Variants in ECD observed in about 807,000 individuals in gnomAD.
The protein encoded by ECD is ecdysoneless cell cycle regulator, also known as protein ecdysoneless homolog.
In ECD, 59 loss-of-function variants were observed where a neutral mutation model predicts 77.2. That is an observed-to-expected ratio of 0.76 (90% CI 0.62 to 0.95). The LOEUF (loss-of-function observed/expected upper bound fraction) is 0.95. Ranked by LOEUF, ECD falls within the 40% of genes least tolerant of loss-of-function variation. The pLI is 0.00. For missense variants in ECD, 704 were observed against 763.4 expected, an observed-to-expected ratio of 0.92 and a Z score of 0.92; for synonymous variants, 233 against 267.4, an observed-to-expected ratio of 0.87 and a Z score of 1.26.
chr10:73,150,455 T>C (rs1214542730), intron 7 of ECD, among the ~76,000 whole-genome samples: 1 of 152,184 alleles, frequency 6.6e-6, no homozygotes, highest in African/African-American at 2.4e-5. Flanking sequence ...ATTCAGGACA[T>C]AGGCATGGGC....
chr10:73,143,297 C>G (rs1471121272), intron 9 of ECD, among the ~76,000 whole-genome samples: 1 of 152,062 alleles, frequency 6.6e-6, no homozygotes, highest in East Asian at 1.9e-4. Context: ...GCCTCCCGAG[C>G]AGCTGGGATT....
At chr10:73,145,657 C>CTTTT (rs748175828) in intron 9 of ECD, among the ~76,000 whole-genome samples, 32 of 124,124 alleles carry the variant, frequency 2.6e-4, no homozygotes, top group African/African-American at 4.7e-4. Context: ...TATTGTGCAG[C>CTTTT]TTTTTTTTTT....
At chr10:73,146,217 A>G in intron 9 of ECD, 59 bp downstream of exon 9, 1 of 818,118 alleles carries the variant, frequency 1.2e-6, no homozygotes, top group Non-Finnish European at 1.7e-6. Context: ...AATAAATAAA[A>G]AATAAAAAGA....
chr10:73,144,699 T>C (rs1843101370), intron 9 of ECD, among the ~76,000 whole-genome samples: 1 of 152,288 alleles, frequency 6.6e-6, no homozygotes. Flanking sequence ...CTCTATGGAC[T>C]TGCCCAAAAT....
In ECD at chr10:73,163,955, G is replaced by A. The variant is rs776848518; in HGVS notation, c.-13-5C>T. 2 of 1,612,286 alleles carry A rather than the reference G, an allele frequency of 1.2e-6. No individual in the cohort carries two copies. The highest frequency in any genetic ancestry group is 1.7e-6 in the Non-Finnish European group (2 of 1,179,012). ...TCTTCCATTCTTCTTTGAAAACTAT[G>A]TTTAAAGTTCCAAAATATAAACCAC... On this transcript the variant is annotated splice_region_variant and splice_polypyrimidine_tract_variant and intron_variant, in intron 1 of 13. Coordinates refer to ENST00000372979, the MANE Select transcript of ECD (RefSeq NM_007265.3).
At chr10:73,145,974 A>G (rs1201473753) in intron 9 of ECD, among the ~76,000 whole-genome samples, 6 of 151,836 alleles carry the variant, frequency 4.0e-5, no homozygotes, top group Non-Finnish European at 8.8e-5. Flanking sequence ...TTATGTTTAT[A>G]AAGACTTCAT....
intron 12 of ECD, among the ~76,000 whole-genome samples, chr10:73,137,659 C>G (rs1025812951): frequency 6.6e-6 from 1 of 151,828 alleles, no homozygotes; most frequent in Admixed American, 6.6e-5. Context: ...GCCTGTAGTC[C>G]CAGTTACTCA....
chr10:73,155,293 C>G (rs1184428027), intron 5 of ECD, among the ~76,000 whole-genome samples: 2 of 152,006 alleles, frequency 1.3e-5, no homozygotes, highest in East Asian at 2.0e-4. Flanking sequence ...GTCTCGATCT[C>G]TTGACCTTGT....
chr10:73,152,558 C>T (rs375444225), intron 6 of ECD, 137 bp from the exon 7 acceptor site: 1 of 993,796 alleles, frequency 1.0e-6, no homozygotes, highest in Non-Finnish European at 1.4e-6. Context: ...TCAACCTATT[C>T]ATTGCCTACT....
intron 1 of ECD, among the ~76,000 whole-genome samples, chr10:73,166,193 G>T (rs958530234): frequency 6.6e-6 from 1 of 151,562 alleles, no homozygotes; most frequent in African/African-American, 2.4e-5. Context: ...GCACTCCATT[G>T]TGTGTATGTG....
In ECD at chr10:73,134,286, A is replaced by T. The variant is rs1162668352; in HGVS notation, c.*297T>A. Reference sequence around the variant, plus strand: ...TAAGGGAGAAATTTAAATATTTAGAATTACTCCAAGGGTATATTGTGGTAG... The same window carrying T: ...TAAGGGAGAAATTTAAATATTTAGATTTACTCCAAGGGTATATTGTGGTAG... On this transcript the variant is annotated 3_prime_UTR_variant, in exon 14 of 14. Transcript: ENST00000372979. The T allele has an allele frequency of 4.1e-6, 1 of 241,288 alleles. No individual in the cohort carries two copies. 14.9% of individuals were successfully genotyped at this position (241,288 alleles called of 1,614,324 possible).
chr10:73,137,751 G>A (rs1842994556), intron 12 of ECD, among the ~76,000 whole-genome samples: 1 of 151,288 alleles, frequency 6.6e-6, no homozygotes, highest in Middle Eastern at 3.4e-3. Flanking sequence ...ACTCCAGCCT[G>A]GGCAACAGAG....
chr10:73,134,848 A>C, intron 13 of ECD, 35 bp from the exon 14 acceptor site: 1 of 1,559,564 alleles, frequency 6.4e-7, no homozygotes, highest in South Asian at 1.1e-5. Context: ...TTATGGGCTA[A>C]TGTATCATTA....
At chr10:73,137,855 TG>T in intron 12 of ECD, 147 bp downstream of exon 12, 1 of 489,808 alleles carries the variant, frequency 2.0e-6, no homozygotes. Context: ...AAATTATTCA[TG>T]GGTAGTAATT....
In ECD at chr10:73,148,343, G is replaced by T; in HGVS notation, c.974C>A (p.Ser325Tyr). Residue 325 changes from serine (S) to tyrosine (Y), a missense_variant, in exon 8 of 14, where the codon TCC becomes TAC. By Grantham distance (144) the Ser-to-Tyr change is moderately radical. This residue lies in a region of ECD where 559 missense variants were observed against 583.7 expected (regional missense o/e 0.96). Transcript: ENST00000372979. The stretch of plus-strand genomic sequence containing the variant: ...CCAGAGTGGTGAGGCAGTCACAAGG[G>T]ATTTCTTGCAGTCAGAAAAATGTGG... ...CSPHFSDCKK[S>Y]LVTASPLWAS... The T allele has an allele frequency of 6.2e-7, 1 of 1,613,898 alleles. No homozygotes were observed.
intron 6 of ECD, among the ~76,000 whole-genome samples, chr10:73,154,017 T>C (rs1285383926): frequency 6.6e-6 from 1 of 152,180 alleles, no homozygotes; most frequent in East Asian, 1.9e-4. Context: ...AATGCAAATA[T>C]TCCAAAATCC....
intron 12 of ECD, among the ~76,000 whole-genome samples, 186 bp from the exon 13 acceptor site, chr10:73,137,104 T>G (rs997862927): frequency 1.4e-4 from 21 of 151,976 alleles, no homozygotes; most frequent in African/African-American, 4.8e-4. Context: ...CAGATATGTG[T>G]GCATTTAATG....
rs768502855 is a variant in ECD at position 73,163,767 on chromosome 10, A to C, written c.171T>G (p.Asn57Lys). The C allele has an allele frequency of 3.1e-6, 5 of 1,614,132 alleles. No homozygotes were observed. In the East Asian group the frequency reaches 1.1e-4, roughly 36 times the overall value. The stretch of plus-strand genomic sequence containing the variant: ...GTTTATATTTAAGATTGAAAGGCTG[A>C]TTCTGCCAGATGTAGGGGACCAGCA... ...APMLVPYIWQ[N>K]QPFNLKYKPG... Residue 57 changes from asparagine (N) to lysine (K), a missense_variant, in exon 2 of 14, where the codon AAT becomes AAG. By Grantham distance (94) the Asn-to-Lys change is moderately conservative. Coordinates refer to ENST00000372979, the MANE Select transcript of ECD (RefSeq NM_007265.3).
chr10:73,163,277 T>C (rs892619510), intron 2 of ECD, among the ~76,000 whole-genome samples: 7 of 152,234 alleles, frequency 4.6e-5, no homozygotes, highest in Admixed American at 4.6e-4. Context: ...TAAAGCCCAA[T>C]TATTTATCTT....
Sources: allele counts gnomAD v4.1 joint callset (sites outside exome capture counted in the v4.1 genomes callset), GRCh38; gene constraint gnomAD v4.1.1; regional missense constraint gnomAD v4.1.1; transcripts MANE v1.5; gene names NCBI Gene and HGNC (gene_info 2026-07-23, HGNC 2026-07-21).